CRPPA: variants seen among roughly 807,000 people sequenced by gnomAD.
CRPPA encodes the protein D-ribitol-5-phosphate cytidylyltransferase.
In CRPPA, 43 loss-of-function variants were observed where a neutral mutation model predicts 52.0. That is an observed-to-expected ratio of 0.83 (90% CI 0.65 to 1.07). The LOEUF (loss-of-function observed/expected upper bound fraction) is 1.07, where lower values mean the gene tolerates loss of function less well. Among genes scored for constraint, CRPPA ranks in the 50% least tolerant of loss-of-function variants. The pLI, the probability that CRPPA is intolerant of heterozygous loss-of-function variation, is 0.00. For missense variants in CRPPA, 629 were observed against 551.7 expected (o/e 1.14, Z -1.40); for synonymous variants, 250 against 203.5 (o/e 1.23, Z -1.94).
At chr7:16,182,336 G>A (rs1170253465) in intron 9 of CRPPA, among the ~76,000 whole-genome samples, 1 of 151,956 alleles carries the variant, frequency 6.6e-6, no homozygotes, top group Non-Finnish European at 1.5e-5. Flanking sequence ...GGGGAGGGCT[G>A]GGGATGTTGG....
At chr7:16,099,587 T>G (rs1220705181) in intron 9 of CRPPA, among the ~76,000 whole-genome samples, 1 of 152,038 alleles carries the variant, frequency 6.6e-6, no homozygotes, top group African/African-American at 2.4e-5. Context: ...GCACCGATAC[T>G]TTACGGAGCA....
chr7:16,395,249 T>C (rs1003010528), intron 2 of CRPPA, among the ~76,000 whole-genome samples: 2 of 152,176 alleles, frequency 1.3e-5, no homozygotes, highest in African/African-American at 4.8e-5. Context: ...TGTATGGAAA[T>C]CATTGATACA....
chr7:16,366,206 C>T (rs112469261), intron 3 of CRPPA, among the ~76,000 whole-genome samples: 45 of 152,234 alleles, frequency 3.0e-4, no homozygotes, highest in Middle Eastern at 3.4e-3. Flanking sequence ...AAGGCAGAGC[C>T]GTCATGATCT....
intron 5 of CRPPA, among the ~76,000 whole-genome samples, chr7:16,286,066 T>TTTAAAAAA: frequency 3.9e-5 from 1 of 25,830 alleles, no homozygotes; most frequent in African/African-American, 2.3e-4. Context: ...TATATATATA[T>TTTAAAAAA]ATATATATAT....
chr7:16,315,118 T>G (rs1223163743), intron 3 of CRPPA, among the ~76,000 whole-genome samples: 2 of 152,174 alleles, frequency 1.3e-5, no homozygotes, highest in Admixed American at 1.3e-4. Context: ...ATACTCAAGC[T>G]GAGATAGTCT....
chr7:16,347,182 T>C (rs183207703), intron 3 of CRPPA, among the ~76,000 whole-genome samples: 380 of 152,018 alleles, frequency 2.5e-3, no homozygotes, highest in African/African-American at 8.4e-3. Flanking sequence ...GAAACTAAGA[T>C]TGACACCTTA....
In CRPPA at chr7:16,367,174, TA is replaced by T. The variant is rs56184465; in HGVS notation, c.684+8917del. 1.1e-4 allele frequency among the ~76,000 whole-genome samples: 16 copies of T among 150,460 alleles called. 1 individual carries two copies. The highest frequency in any genetic ancestry group is 5.3e-4 in the Admixed American group (8 of 15,074). ...CCTCAAATCTCCATTTGTCAAAATT[TA>T]AAAAAAAAACTTATGCCTTCTTATC... On this transcript the variant is annotated intron_variant, in intron 3 of 9. Transcript: ENST00000407010.
intron 9 of CRPPA, among the ~76,000 whole-genome samples, chr7:16,194,046 T>C (rs972929828): frequency 1.5e-4 from 23 of 152,064 alleles, no homozygotes; most frequent in African/African-American, 5.6e-4. Flanking sequence ...ATACTTAACA[T>C]AGAATTAAAC....
chr7:16,409,253 C>A (rs1318350671), intron 1 of CRPPA, among the ~76,000 whole-genome samples: 5 of 152,064 alleles, frequency 3.3e-5, no homozygotes, highest in African/African-American at 1.2e-4. Context: ...CCAAATCTTC[C>A]AGAAGGAATG....
chr7:16,277,233 T>C (rs1269513263), intron 6 of CRPPA: 3 of 151,822 alleles, frequency 2.0e-5, no homozygotes, highest in Non-Finnish European at 4.4e-5. Context: ...GCTATCATGA[T>C]AAAATTACAC....
In CRPPA at chr7:16,406,090, T is replaced by A. The variant is rs1318815905; in HGVS notation, c.505A>T (p.Lys169Ter). ...TGTTCCTTAGCAGCTGTGACAACTT[T>A]AAGAAGGACACCTTCCTCAACAAAT... ...RPFVEEGVLL[K>*]VVTAAKEHGA... is the part of the protein sequence containing the mutation. The change falls in exon 2 of 10, where the codon AAA (lysine) becomes TAA (stop). Residue 169 changes from lysine to a stop codon, truncating the protein, a stop_gained. Coordinates refer to ENST00000407010, the MANE Select transcript of CRPPA (RefSeq NM_001101426.4). LOFTEE classifies it high-confidence loss of function. 1.9e-6 allele frequency: 3 copies of A among 1,613,808 alleles called. No individual in the cohort carries two copies. In the East Asian group the frequency reaches 6.7e-5, roughly 36 times the overall value.
Position 16,278,209 on chromosome 7 carries a change from T to A in CRPPA, c.853A>T (p.Ile285Phe). 6.4e-7 allele frequency: 1 copy of A among 1,552,032 alleles called. No individual in the cohort carries two copies. The highest frequency in any genetic ancestry group is 8.8e-7 in the Non-Finnish European group (1 of 1,142,176). ...SIIKERISQE[I>F]CVVMDTEEDN... Reference sequence around the variant, plus strand: ...TCTTCTGTATCCATAACTACACAAATCTCTTGGGAAATTCTCTCTGAAATT... The same window carrying A: ...TCTTCTGTATCCATAACTACACAAAACTCTTGGGAAATTCTCTCTGAAATT... Residue 285 changes from isoleucine to phenylalanine, a missense_variant, in exon 6 of 10, where the codon ATT (isoleucine) becomes TTT (phenylalanine). Transcript: ENST00000407010.
At chr7:16,162,677 T>C (rs1192231017) in intron 9 of CRPPA, among the ~76,000 whole-genome samples, 3 of 152,326 alleles carry the variant, frequency 2.0e-5, no homozygotes, top group Admixed American at 2.0e-4. Flanking sequence ...CAGAGTTCTT[T>C]AAATGTCTAT....
intron 2 of CRPPA, among the ~76,000 whole-genome samples, chr7:16,400,541 ACGT>A (rs1416434526): frequency 1.3e-5 from 2 of 152,174 alleles, no homozygotes; most frequent in East Asian, 3.9e-4. Context: ...CACTACTGAC[ACGT>A]CGACACGATC....
At chr7:16,308,898 A>T (rs1388277896) in intron 3 of CRPPA, among the ~76,000 whole-genome samples, 1 of 152,192 alleles carries the variant, frequency 6.6e-6, no homozygotes. Flanking sequence ...CTAGGCGTAA[A>T]AAAATGTAAT....
rs1034730252 is a variant in CRPPA at position 16,091,168 on chromosome 7, C to G, written c.*527G>C. The G allele has an allele frequency of 6.6e-6, 1 of 152,328 alleles. No homozygotes were observed. The highest frequency in any genetic ancestry group is 2.4e-5 in the African/African-American group (1 of 41,454). The allele number at this position is 152,328 out of a possible 1,614,324, so 9.4% of individuals were successfully genotyped here. Reference sequence around the variant, plus strand: ...AAATGGGGAAAATGCTAGAAACAAACAGTTCCGTTCCCTGGTATCCCACTC... The same window carrying G: ...AAATGGGGAAAATGCTAGAAACAAAGAGTTCCGTTCCCTGGTATCCCACTC... On this transcript the variant is annotated 3_prime_UTR_variant, in exon 10 of 10. Coordinates refer to ENST00000407010, the MANE Select transcript of CRPPA (RefSeq NM_001101426.4).
In CRPPA at chr7:16,406,202, G is replaced by A. The variant is rs373472697; in HGVS notation, c.393C>T (p.Phe131=). Residue 131 remains phenylalanine (F), a synonymous_variant, in exon 2 of 10, where the codon TTC becomes TTT. Coordinates refer to ENST00000407010, the MANE Select transcript of CRPPA (RefSeq NM_001101426.4). ...EAGVTRHRSI[F]NGLKALAEDQ... ...CTTCTGCCAGTGCTTTTAGTCCATT[G>A]AAAATTGACCTGTGGCGGGTCACTC... 6.2e-6 allele frequency: 10 copies of A among 1,613,880 alleles called. No individual in the cohort carries two copies. The African/African-American group carries it at 1.2e-4, about 19-fold the overall frequency.
rs1008878270 is a variant in CRPPA, at chr7:16,421,465, C to T, written c.-143G>A. 11 of 813,736 alleles carry T rather than the reference C, an allele frequency of 1.4e-5. No homozygotes were observed. In the East Asian group the frequency reaches 2.9e-4, roughly 22 times the overall value. The allele number at this position is 813,736 out of a possible 1,614,324, so 50.4% of individuals were successfully genotyped here. Reference sequence around the variant, plus strand: ...GCAAGCAGAAGGCGCCCCCCTCAGCCGTCGGAGCCCCGCTGTTGCTGCCCC... The same window carrying T: ...GCAAGCAGAAGGCGCCCCCCTCAGCTGTCGGAGCCCCGCTGTTGCTGCCCC... On this transcript the variant is annotated 5_prime_UTR_variant, in exon 1 of 10. Transcript: ENST00000407010.
chr7:16,238,200 C>T (rs373026202), intron 8 of CRPPA, among the ~76,000 whole-genome samples: 2 of 152,014 alleles, frequency 1.3e-5, no homozygotes, highest in African/African-American at 4.8e-5. Context: ...TAGAATATTT[C>T]AGAAATCTAA....
Sources: gnomAD v4.1 joint callset for allele counts (sites outside exome capture counted in the v4.1 genomes callset) on GRCh38, gnomAD v4.1.1 for gene constraint, MANE v1.5 for transcripts, NCBI Gene and HGNC (gene_info 2026-07-23, HGNC 2026-07-21) for gene names.